The following UTP20 variants were observed in gnomAD, a reference collection of about 807,000 sequenced individuals.
The protein encoded by UTP20 is UTP20 small subunit processome component.
Under a neutral mutation model 329.5 loss-of-function variants are expected in UTP20, and 164 were observed. The observed-to-expected ratio is 0.50, with a 90% CI of 0.44 to 0.57. The LOEUF (loss-of-function observed/expected upper bound fraction) is 0.57. UTP20 is among the 20% of genes least tolerant of loss of function. The probability of loss-of-function intolerance (pLI) is 0.00; values close to 1 mark genes in which losing one functional copy is unlikely to be tolerated. For synonymous variants in UTP20, 1,151 were observed against 1,159.3 expected, an observed-to-expected ratio of 0.99 and a Z score of 0.14; for missense variants, 3,055 against 3,284.2, an observed-to-expected ratio of 0.93 and a Z score of 1.71.
At chr12:101,342,334 A>T (rs1869167512) in intron 32 of UTP20, 112 bp from the exon 33 acceptor site, 1 of 848,484 alleles carries the variant, frequency 1.2e-6, no homozygotes, top group African/African-American at 1.8e-5. Flanking sequence ...TTTTCCAATT[A>T]CTACTTTTAC....
intron 41 of UTP20, 109 bp downstream of exon 41, chr12:101,355,227 T>A: frequency 7.8e-7 from 1 of 1,274,610 alleles, no homozygotes; most frequent in Non-Finnish European, 1.1e-6. Flanking sequence ...CTTTTAGATT[T>A]CCTTTTATCT....
At chr12:101,281,281 G>GTATT in intron 2 of UTP20, 85 bp downstream of exon 2, 1 of 1,227,976 alleles carries the variant, frequency 8.1e-7, no homozygotes. Flanking sequence ...GTTTTTCAAG[G>GTATT]TATTCCTTTT....
chr12:101,348,125 G>A (rs758208982), intron 38 of UTP20, among the ~76,000 whole-genome samples: 13 of 152,312 alleles, frequency 8.5e-5, no homozygotes, highest in African/African-American at 1.2e-4. Flanking sequence ...CACCACGCCC[G>A]GCTGGTATAT....
At position 101,333,322 on chromosome 12, in the gene UTP20, C is replaced by T. The variant is rs1183092145; in HGVS notation, c.3439C>T (p.Pro1147Ser). ...REKIQLRFIN[P>S]LKNLRRLGIK... ...ACAGATACAGCTGAGATTTATTAAT[C>T]CATTGAAAAATTTAAGACGTCTTGG... Residue 1147 changes from proline (P) to serine (S), a missense_variant, in exon 28 of 62, where the codon CCA becomes TCA. Pro to Ser is a moderately conservative substitution (Grantham distance 74). Around this residue, in one of 3 missense-constraint regions of UTP20, gnomAD observed 2,445 missense variants for 2,575.5 expected, o/e 0.95. Coordinates refer to ENST00000261637, the MANE Select transcript of UTP20 (RefSeq NM_014503.3). The T allele has an allele frequency of 3.1e-6, 5 of 1,613,318 alleles. No individual in the cohort carries two copies. The African/African-American group carries it at 5.3e-5, about 17-fold the overall frequency.
intron 51 of UTP20, among the ~76,000 whole-genome samples, chr12:101,372,354 C>T (rs1010129260): frequency 6.6e-6 from 1 of 152,242 alleles, no homozygotes; most frequent in Non-Finnish European, 1.5e-5. Context: ...CGGCCAACTT[C>T]ATTCCCTTCA....
Position 101,372,998 on chromosome 12 carries a change from G to C in UTP20, c.6878+35G>C, listed in dbSNP as rs777638165. 19 of 1,559,232 alleles carry C rather than the reference G, an allele frequency of 1.2e-5. 1 individual carries two copies. In the South Asian group the frequency reaches 2.1e-4, roughly 17 times the overall value. Reference sequence around the variant, plus strand: ...AGCTATTAACTACACAGGGGCGGAGGGTAGTTTCTTCTTTCCCTTTAACAT... The same window carrying C: ...AGCTATTAACTACACAGGGGCGGAGCGTAGTTTCTTCTTTCCCTTTAACAT... On this transcript the variant is annotated intron_variant, in intron 52 of 61. Coordinates refer to ENST00000261637, the MANE Select transcript of UTP20 (RefSeq NM_014503.3).
chr12:101,373,614 C>A lies in UTP20; in HGVS notation c.6978C>A (p.Phe2326Leu), dbSNP rs765212844. Residue 2326 changes from phenylalanine (F) to leucine (L), a missense_variant, in exon 54 of 62, where the codon TTC becomes TTA. By Grantham distance (22) the Phe-to-Leu change is conservative (BLOSUM62 0). Around this residue, in one of 3 missense-constraint regions of UTP20, gnomAD observed 273 missense variants for 363.1 expected, o/e 0.75. Coordinates refer to ENST00000261637, the MANE Select transcript of UTP20 (RefSeq NM_014503.3). ...TGCTCCATGAGAACTGCGGAATGTT[C>A]TTTATCCCTCTTTGTCTAATGACGA... ...QGLLHENCGMFFIPLCLMTIN... is the reference protein window; with the variant it reads ...QGLLHENCGMLFIPLCLMTIN... 1.9e-6 allele frequency: 3 copies of A among 1,612,264 alleles called. No individual in the cohort carries two copies. Among genetic ancestry groups the A allele is most frequent in the Admixed American group, 1.7e-5 (1 of 59,372 alleles).
chr12:101,300,720 G>A (rs143800819), intron 14 of UTP20, among the ~76,000 whole-genome samples: 3 of 152,186 alleles, frequency 2.0e-5, no homozygotes, highest in East Asian at 3.9e-4. Flanking sequence ...TAAAAATCAC[G>A]TGTATATAGT....
chr12:101,281,756 G>C (rs986043145), intron 2 of UTP20, among the ~76,000 whole-genome samples: 1 of 152,034 alleles, frequency 6.6e-6, no homozygotes, highest in African/African-American at 2.4e-5. Context: ...CCAGGTTGGA[G>C]TGCAGTGGCG....
intron 57 of UTP20, 73 bp from the exon 58 acceptor site, chr12:101,381,067 T>C: frequency 7.8e-7 from 1 of 1,274,696 alleles, no homozygotes; most frequent in Non-Finnish European, 1.1e-6. Context: ...ATTACAGTTA[T>C]TATGTTTAGC....
chr12:101,291,791 A>G lies in UTP20; in HGVS notation c.941A>G (p.Glu314Gly). 6.2e-7 allele frequency: 1 copy of G among 1,604,702 alleles called. No individual in the cohort carries two copies. Among genetic ancestry groups the G allele is most frequent in the Non-Finnish European group, 8.5e-7 (1 of 1,176,774 alleles). Residue 314 changes from glutamate (E) to glycine (G), a missense_variant, in exon 9 of 62, where the codon GAA becomes GGA. By Grantham distance (98) the Glu-to-Gly change is moderately conservative. Around this residue, in one of 3 missense-constraint regions of UTP20, gnomAD observed 2,445 missense variants for 2,575.5 expected, o/e 0.95. Transcript: ENST00000261637. Reference protein sequence around the residue: ...HTKVTKTNCCESSEQIKRLLE... With the variant: ...HTKVTKTNCCGSSEQIKRLLE... ...AAAGTAACAAAAACTAACTGTTGTG[A>G]AAGTTCTGAACAGATTAAAAGGTTG... is the stretch of plus-strand genomic sequence containing the variant.
Position 101,386,228 on chromosome 12 carries a change from G to GAGAC in UTP20, c.*107_*110dup. 1.2e-6 allele frequency: 1 copy of GAGAC among 862,294 alleles called. No homozygotes were observed. Among genetic ancestry groups the GAGAC allele is most frequent in the East Asian group, 2.9e-5 (1 of 34,546 alleles). 53.4% of individuals were successfully genotyped at this position (862,294 alleles called of 1,614,324 possible). ...GGGGGAGGCGTTTTTTTTTTTTTTT[G>GAGAC]AGACAAGGTCTCACTCTGTCACCCA... On this transcript the variant is annotated 3_prime_UTR_variant, in exon 62 of 62. Coordinates refer to ENST00000261637, the MANE Select transcript of UTP20 (RefSeq NM_014503.3).
chr12:101,333,048 T>C (rs1868811291), intron 27 of UTP20, among the ~76,000 whole-genome samples: 1 of 152,224 alleles, frequency 6.6e-6, no homozygotes, highest in Admixed American at 6.5e-5. Flanking sequence ...CCAGTTGTAA[T>C]ATTTTTTCTT....
chr12:101,290,746 T>C lies in UTP20; in HGVS notation c.749T>C (p.Ile250Thr). Residue 250 changes from isoleucine (I) to threonine (T), a missense_variant, in exon 8 of 62, where the codon ATT becomes ACT. By Grantham distance (89) the Ile-to-Thr change is moderately conservative (BLOSUM62 -1). Around this residue, in one of 3 missense-constraint regions of UTP20, gnomAD observed 2,445 missense variants for 2,575.5 expected, o/e 0.95. Coordinates refer to ENST00000261637, the MANE Select transcript of UTP20 (RefSeq NM_014503.3). ...HSCTGQAVKLILRKLGPVTET... is the reference protein window; with the variant it reads ...HSCTGQAVKLTLRKLGPVTET... ...GTATTCCCACAGGCAGTGAAGCTAA[T>C]TTTGCGAAAGCTAGGACCAGTCACT... The C allele has an allele frequency of 6.2e-7, 1 of 1,605,656 alleles. No individual in the cohort carries two copies. The highest frequency in any genetic ancestry group is 1.1e-5 in the South Asian group (1 of 88,716).
chr12:101,342,911 T>C lies in UTP20; in HGVS notation c.4297-30T>C, dbSNP rs1316792239. 6.8e-6 allele frequency: 11 copies of C among 1,609,542 alleles called. No individual in the cohort carries two copies. The East Asian group carries it at 2.2e-4, about 33-fold the overall frequency. On this transcript the variant is annotated intron_variant, in intron 34 of 61. Coordinates refer to ENST00000261637, the MANE Select transcript of UTP20 (RefSeq NM_014503.3). ...TTTACTGAAGATTTATATGCCTTCT[T>C]TTATATAACTTCAATGGCATTTCTT...
rs754279286 is a variant in UTP20, at chr12:101,320,855, T to G, written c.2833T>G (p.Leu945Val). 2 of 1,610,324 alleles carry G rather than the reference T, an allele frequency of 1.2e-6. No homozygotes were observed. The highest frequency in any genetic ancestry group is 1.7e-6 in the Non-Finnish European group (2 of 1,179,100). Residue 945 changes from leucine to valine, a missense_variant, in exon 24 of 62, where the codon TTG becomes GTG. This residue lies in a region of UTP20 where 2,445 missense variants were observed against 2,575.5 expected (regional missense o/e 0.95). Coordinates refer to ENST00000261637, the MANE Select transcript of UTP20 (RefSeq NM_014503.3). The part of the protein sequence containing the change: ...SKLYELYLQL[L>V]LHQDQMVQKI... ...TTCTGTAAAATACTGTTCTTAGTTG[T>G]TGCTACACCAAGATCAAATGGTGCA...
chr12:101,321,070 A>C (rs1264638336), intron 24 of UTP20, 133 bp downstream of exon 24: 8 of 737,236 alleles, frequency 1.1e-5, no homozygotes, highest in Middle Eastern at 3.2e-4. Flanking sequence ...CGTATTTCCA[A>C]GCAAGAAATG....
intron 44 of UTP20, among the ~76,000 whole-genome samples, chr12:101,362,451 C>T (rs1042267042): frequency 6.6e-6 from 1 of 152,146 alleles, no homozygotes; most frequent in Non-Finnish European, 1.5e-5. Context: ...TGCCTGTAAA[C>T]CCAGCACTTT....
chr12:101,379,002 C>T (rs1870561607), intron 56 of UTP20, among the ~76,000 whole-genome samples: 1 of 152,196 alleles, frequency 6.6e-6, no homozygotes, highest in Non-Finnish European at 1.5e-5. Flanking sequence ...TTGATACATG[C>T]ATACAATGTC....
Sources: gnomAD v4.1 joint callset for allele counts (sites outside exome capture counted in the v4.1 genomes callset) on GRCh38, gnomAD v4.1.1 for gene constraint, gnomAD v4.1.1 regional missense constraint, MANE v1.5 for transcripts, NCBI Gene and HGNC (gene_info 2026-07-23, HGNC 2026-07-21) for gene names.